CFAP96: variants seen among roughly 807,000 people sequenced by gnomAD.
The protein encoded by CFAP96 is cilia-and flagella-associated protein 96.
At chr4:185,413,670 A>G in the CFAP96 span, 3 of 1,516,508 alleles carry the variant, frequency 2.0e-6, no homozygotes, top group Admixed American at 4.4e-5. Flanking sequence ...ACCAACAAAA[A>G]ACAACTAATA....
the CFAP96 span, chr4:185,449,470 CTG>C: frequency 1.8e-6 from 1 of 556,640 alleles, no homozygotes; most frequent in East Asian, 3.3e-5. Flanking sequence ...TTGCAGTGAA[CTG>C]TGATTGCACC....
At chr4:185,423,583 T>C in the CFAP96 span, among the ~76,000 whole-genome samples, 1 of 152,066 alleles carries the variant, frequency 6.6e-6, no homozygotes, top group African/African-American at 2.4e-5. Context: ...AGGAATATCA[T>C]ATAGCCATAA....
the CFAP96 span, among the ~76,000 whole-genome samples, chr4:185,446,987 A>G: frequency 6.6e-6 from 1 of 151,932 alleles, no homozygotes; most frequent in Non-Finnish European, 1.5e-5. Flanking sequence ...CTACTCTACT[A>G]CATTGCTGGT....
At chr4:185,439,894 C>A in the CFAP96 span, among the ~76,000 whole-genome samples, 1 of 145,378 alleles carries the variant, frequency 6.9e-6, no homozygotes, top group Non-Finnish European at 1.5e-5. Flanking sequence ...ATACATATCT[C>A]ACATATACAC....
chr4:185,417,045 A>T, the CFAP96 span, among the ~76,000 whole-genome samples: 1 of 152,234 alleles, frequency 6.6e-6, no homozygotes, highest in Non-Finnish European at 1.5e-5. Flanking sequence ...TAAGGGAAAA[A>T]ATAGTACCTT....
chr4:185,427,858 G>T, the CFAP96 span, among the ~76,000 whole-genome samples: 3 of 150,204 alleles, frequency 2.0e-5, no homozygotes, highest in South Asian at 2.2e-4. Context: ...AGCCGAGGCA[G>T]GTGGATCACC....
At chr4:185,440,875 C>G in the CFAP96 span, among the ~76,000 whole-genome samples, 2 of 149,374 alleles carry the variant, frequency 1.3e-5, no homozygotes, top group Non-Finnish European at 3.0e-5. Flanking sequence ...CATGAAATCA[C>G]CAAGTATGAA....
the CFAP96 span, chr4:185,445,457 A>G: frequency 1.5e-6 from 2 of 1,355,540 alleles, no homozygotes; most frequent in East Asian, 2.3e-5. Context: ...TACAATTAAC[A>G]TTGGCTATTT....
At chr4:185,426,045 G>C in the CFAP96 span, 3 of 668,048 alleles carry the variant, frequency 4.5e-6, no homozygotes, top group Non-Finnish European at 7.8e-6. Context: ...CCTCGCGGAC[G>C]GCGAGGCGGG....
At chr4:185,437,250 C>G in the CFAP96 span, among the ~76,000 whole-genome samples, 1 of 152,194 alleles carries the variant, frequency 6.6e-6, no homozygotes, top group Admixed American at 6.5e-5. Flanking sequence ...TAGCATATGC[C>G]TCTTACACTC....
the CFAP96 span, among the ~76,000 whole-genome samples, chr4:185,442,259 T>C: frequency 2.9e-4 from 44 of 152,252 alleles, no homozygotes; most frequent in Non-Finnish European, 6.3e-4. Context: ...TATTTTGTTA[T>C]AAAATTTACT....
the CFAP96 span, chr4:185,429,453 C>A: frequency 6.5e-7 from 1 of 1,538,718 alleles, no homozygotes. Context: ...AAAGGATTGG[C>A]CTCTTTAGTG....
the CFAP96 span, among the ~76,000 whole-genome samples, chr4:185,427,645 A>G: frequency 6.6e-6 from 1 of 151,966 alleles, no homozygotes; most frequent in African/African-American, 2.4e-5. Flanking sequence ...CCGTAGTCCC[A>G]GCTACCTGGG....
chr4:185,423,467 G>A, the CFAP96 span, among the ~76,000 whole-genome samples: 1 of 152,150 alleles, frequency 6.6e-6, no homozygotes, highest in Non-Finnish European at 1.5e-5. Flanking sequence ...CTAGTGATAT[G>A]CATTTAGAAT....
chr4:185,443,342 A>ATATATATATATATTTTT, the CFAP96 span, among the ~76,000 whole-genome samples: 29 of 26,726 alleles, frequency 1.1e-3, no homozygotes, highest in Admixed American at 2.6e-3. Context: ...ATATATATAT[A>ATATATATATATATTTTT]TTTTTTTTTT....
chr4:185,415,361 T>A, the CFAP96 span: 1 of 1,546,328 alleles, frequency 6.5e-7, no homozygotes, highest in East Asian at 2.3e-5. Context: ...TGGGGGGAAA[T>A]ATATAAGTGT....
the CFAP96 span, among the ~76,000 whole-genome samples, chr4:185,421,214 A>G: frequency 6.6e-6 from 1 of 152,238 alleles, no homozygotes; most frequent in Non-Finnish European, 1.5e-5. Context: ...AGAACAATTT[A>G]TTAGTTGAAG....
the CFAP96 span, among the ~76,000 whole-genome samples, chr4:185,444,549 A>T: frequency 6.6e-6 from 1 of 151,864 alleles, no homozygotes. Flanking sequence ...CTTTTTTTTT[A>T]AAGTATCTTC....
the CFAP96 span, chr4:185,429,630 A>G: frequency 1.1e-5 from 7 of 623,702 alleles, no homozygotes; most frequent in East Asian, 2.3e-4. Context: ...ATTTAGTTCT[A>G]AAGTTTGTTA....
Sources: allele counts gnomAD v4.1 joint callset (sites outside exome capture counted in the v4.1 genomes callset), GRCh38; gene constraint gnomAD v4.1.1; transcripts MANE v1.5; gene names NCBI Gene and HGNC (gene_info 2026-07-23, HGNC 2026-07-21).